Variants in NSUN6 observed in about 807,000 individuals in gnomAD.
The protein encoded by NSUN6 is tRNA (cytosine(72)-C(5))-methyltransferase NSUN6.
A neutral mutation model predicts 58.0 loss-of-function variants in NSUN6; 64 were observed. The ratio of observed to expected loss-of-function variants is 1.10; its 90% CI spans 0.90 to 1.36. The LOEUF (loss-of-function observed/expected upper bound fraction) is 1.36. Ranked by LOEUF, NSUN6 falls within the 40% of genes most tolerant of loss-of-function variation. The pLI is 0.00. For missense variants in NSUN6, 701 were observed against 550.1 expected, an observed-to-expected ratio of 1.27 and a Z score of -2.74; for synonymous variants, 231 against 193.9, an observed-to-expected ratio of 1.19 and a Z score of -1.59.
At chr10:18,600,978 G>GTATATATATATATATGTA (rs56983139) in intron 6 of NSUN6, among the ~76,000 whole-genome samples, 20 of 77,020 alleles carry the variant, frequency 2.6e-4, no homozygotes, top group African/African-American at 8.6e-4. Context: ...ATATATATAT[G>GTATATATATATATATGTA]TATATATATA....
chr10:18,614,641 C>A lies in NSUN6; in HGVS notation c.422-28G>T. On this transcript the variant is annotated intron_variant, in intron 4 of 10. Transcript: ENST00000377304. Reference sequence around the variant, plus strand: ...AGAGAAAGAAGAAAATCAGATTACACTGATTTATACTTTGGCAGAAGAATC... The same window carrying A: ...AGAGAAAGAAGAAAATCAGATTACAATGATTTATACTTTGGCAGAAGAATC... 2 of 1,175,038 alleles carry A rather than the reference C, an allele frequency of 1.7e-6. 1 individual carries two copies. The highest frequency in any genetic ancestry group is 4.2e-5 in the South Asian group (2 of 47,436). 72.8% of individuals were successfully genotyped at this position (1,175,038 alleles called of 1,614,324 possible).
intron 2 of NSUN6, among the ~76,000 whole-genome samples, chr10:18,644,250 C>G (rs1034992528): frequency 6.6e-6 from 1 of 152,100 alleles, no homozygotes; most frequent in Admixed American, 6.6e-5. Context: ...GAATACAAAC[C>G]AAGCATCCCT....
intron 6 of NSUN6, among the ~76,000 whole-genome samples, chr10:18,608,656 C>A (rs1269702003): frequency 8.4e-4 from 98 of 116,124 alleles, no homozygotes; most frequent in Non-Finnish European, 1.3e-3. Context: ...AAAAAAAAAA[C>A]CACTGTAAAT....
At chr10:18,586,870 C>A (rs2057172143) in intron 7 of NSUN6, among the ~76,000 whole-genome samples, 1 of 152,150 alleles carries the variant, frequency 6.6e-6, no homozygotes, top group Admixed American at 6.6e-5. Context: ...GCTGATTGGT[C>A]CATTTTACAC....
chr10:18,556,974 T>G (rs1365304969), intron 8 of NSUN6, among the ~76,000 whole-genome samples: 1 of 144,398 alleles, frequency 6.9e-6, no homozygotes, highest in African/African-American at 2.6e-5. Context: ...TGGAAGGGAA[T>G]GGAATGGAGA....
intron 3 of NSUN6, among the ~76,000 whole-genome samples, chr10:18,622,193 T>C (rs1342118771): frequency 6.6e-6 from 1 of 152,120 alleles, no homozygotes; most frequent in Non-Finnish European, 1.5e-5. Context: ...TAATTAGTTA[T>C]GAGGGTAGAA....
At chr10:18,651,052 A>C (rs2059689547) in intron 1 of NSUN6, 77 bp downstream of exon 1, 1 of 1,543,382 alleles carries the variant, frequency 6.5e-7, no homozygotes, top group Non-Finnish European at 8.7e-7. Context: ...TTCCCTTTAT[A>C]CTTATTTCTA....
intron 8 of NSUN6, among the ~76,000 whole-genome samples, chr10:18,584,771 T>C (rs1037942424): frequency 2.6e-5 from 4 of 151,088 alleles, no homozygotes; most frequent in African/African-American, 9.7e-5. Context: ...AGAGAAAATG[T>C]TAAAGGAAGC....
chr10:18,623,443 G>C lies in NSUN6; in HGVS notation c.312-7150C>G, dbSNP rs529694261. On this transcript the variant is annotated intron_variant, in intron 3 of 10. Coordinates refer to ENST00000377304, the MANE Select transcript of NSUN6 (RefSeq NM_182543.5). ...TGATGAGAAAAAATTGGCTGACAGT[G>C]AACTTTGAGCCAAACCTAGTTTCTC... Among the ~76,000 whole-genome samples the C allele has an allele frequency of 3.9e-5, 6 of 152,292 alleles. No homozygotes were observed. The East Asian group carries it at 1.2e-3, about 29-fold the overall frequency.
At chr10:18,552,434 G>A (rs1346633310) in intron 8 of NSUN6, among the ~76,000 whole-genome samples, 4 of 152,124 alleles carry the variant, frequency 2.6e-5, no homozygotes, top group African/African-American at 9.7e-5. Flanking sequence ...CTATGGTCTA[G>A]AATAGGGAGA....
At chr10:18,635,872 CAAAG>C (rs780174942) in intron 3 of NSUN6, among the ~76,000 whole-genome samples, 1 of 149,732 alleles carries the variant, frequency 6.7e-6, no homozygotes, top group African/African-American at 2.5e-5. Flanking sequence ...AAAAAAAAGA[CAAAG>C]AAGAACTAAG....
intron 9 of NSUN6, among the ~76,000 whole-genome samples, chr10:18,550,883 C>A (rs1175044887): frequency 6.6e-6 from 1 of 152,064 alleles, no homozygotes; most frequent in Non-Finnish European, 1.5e-5. Context: ...CACAACCACA[C>A]CCAGCTAATT....
chr10:18,555,217 G>A (rs752917723), intron 8 of NSUN6, among the ~76,000 whole-genome samples: 6 of 151,202 alleles, frequency 4.0e-5, no homozygotes, highest in Non-Finnish European at 8.9e-5. Context: ...GGAATGGAAT[G>A]GAGGATGAAA....
chr10:18,609,633 A>C (rs1000144978), intron 6 of NSUN6, among the ~76,000 whole-genome samples: 1 of 152,184 alleles, frequency 6.6e-6, no homozygotes, highest in African/African-American at 2.4e-5. Flanking sequence ...TTGGGCAAAG[A>C]AAGATAGAAA....
chr10:18,591,431 C>T (rs7904016), intron 7 of NSUN6, among the ~76,000 whole-genome samples: 31,337 of 152,064 alleles, frequency 0.21, 3,546 homozygotes, highest in South Asian at 0.31. Flanking sequence ...AAGAGAATTT[C>T]AGGACAATAT....
chr10:18,609,425 C>A (rs992003233), intron 6 of NSUN6, among the ~76,000 whole-genome samples: 1 of 151,950 alleles, frequency 6.6e-6, no homozygotes, highest in Non-Finnish European at 1.5e-5. Flanking sequence ...TGACATAGGC[C>A]AAGAGTCCTA....
At chr10:18,558,223 T>G (rs1216054085) in intron 8 of NSUN6, among the ~76,000 whole-genome samples, 6 of 141,350 alleles carry the variant, frequency 4.2e-5, no homozygotes, top group African/African-American at 1.3e-4. Context: ...ATGGGGAATG[T>G]AATGGAATGG....
chr10:18,609,003 T>G (rs1363186785), intron 6 of NSUN6, among the ~76,000 whole-genome samples: 1 of 152,190 alleles, frequency 6.6e-6, no homozygotes, highest in African/African-American at 2.4e-5. Flanking sequence ...TCATAAAATG[T>G]CTGTGGGCTA....
At chr10:18,565,356 C>T (rs1173192282) in intron 8 of NSUN6, among the ~76,000 whole-genome samples, 1 of 150,624 alleles carries the variant, frequency 6.6e-6, no homozygotes, top group Non-Finnish European at 1.5e-5. Flanking sequence ...CCATTCTATT[C>T]CCTTCCACTC....
Sources: gnomAD v4.1 joint callset for allele counts (sites outside exome capture counted in the v4.1 genomes callset) on GRCh38, gnomAD v4.1.1 for gene constraint, MANE v1.5 for transcripts, NCBI Gene and HGNC (gene_info 2026-07-23, HGNC 2026-07-21) for gene names.